AFAP1: variants seen among roughly 807,000 people sequenced by gnomAD.
AFAP1 encodes the protein actin filament associated protein 1.
In AFAP1, 75 loss-of-function variants were observed where a neutral mutation model predicts 93.9. That is an observed-to-expected ratio of 0.80 (90% CI 0.66 to 0.97). AFAP1 has a LOEUF of 0.97. AFAP1 is among the 50% of genes least tolerant of loss of function. The probability of loss-of-function intolerance (pLI) is 0.00; values close to 1 mark genes in which losing one functional copy is unlikely to be tolerated. For missense variants in AFAP1, 1,201 were observed against 1,050.8 expected, an observed-to-expected ratio of 1.14 and a Z score of -1.98; for synonymous variants, 517 against 430.7, an observed-to-expected ratio of 1.20 and a Z score of -2.48.
At position 7,865,949 on chromosome 4, in the gene AFAP1, T is replaced by C. The variant is rs567648421; in HGVS notation, c.225+2673A>G. On this transcript the variant is annotated intron_variant, in intron 3 of 17. Transcript: ENST00000420658. ...CTCGGTCTTGTTACGCAGGCTGGAG[T>C]GCAGTGGCTCGATCTCAGCTCACTG... is the stretch of plus-strand genomic sequence containing the variant. 3.2e-4 allele frequency among the ~76,000 whole-genome samples: 48 copies of C among 152,354 alleles called. No individual in the cohort carries two copies. In the South Asian group the frequency reaches 9.1e-3, roughly 29 times the overall value.
Position 7,797,889 on chromosome 4 carries a change from G to C in AFAP1, c.1266+2553C>G, listed in dbSNP as rs148650687. ...AGACATACAGACGTAGAGAGAAAGG[G>C]GCACGGGGGAGAGTACACACGCAGG... On this transcript the variant is annotated intron_variant, in intron 10 of 17. Coordinates refer to ENST00000420658, the MANE Select transcript of AFAP1 (RefSeq NM_001134647.2). 1.6e-3 allele frequency among the ~76,000 whole-genome samples: 245 copies of C among 152,274 alleles called. 1 individual carries two copies. Among genetic ancestry groups the C allele is most frequent in the African/African-American group, 5.7e-3 (238 of 41,552 alleles).
chr4:7,932,139 G>A (rs770273161), intron 1 of AFAP1, among the ~76,000 whole-genome samples: 1 of 152,050 alleles, frequency 6.6e-6, no homozygotes, highest in African/African-American at 2.4e-5. Flanking sequence ...TTACAGGTGT[G>A]AGCCACCACG....
chr4:7,822,006 G>C (rs929842026), intron 6 of AFAP1, among the ~76,000 whole-genome samples: 5 of 152,220 alleles, frequency 3.3e-5, no homozygotes, highest in Admixed American at 2.6e-4. Context: ...GCAGTGATCT[G>C]TGTGTCTGAT....
At chr4:7,895,212 G>A (rs1394039684) in intron 1 of AFAP1, among the ~76,000 whole-genome samples, 1 of 152,230 alleles carries the variant, frequency 6.6e-6, no homozygotes, top group East Asian at 1.9e-4. Flanking sequence ...GCACTTGCCA[G>A]GCATGGCCTT....
chr4:7,863,059 T>C (rs1353166841), intron 3 of AFAP1, among the ~76,000 whole-genome samples: 2 of 152,202 alleles, frequency 1.3e-5, no homozygotes, highest in Non-Finnish European at 2.9e-5. Context: ...CTTTTAGCAC[T>C]TGCTGCAAAC....
chr4:7,829,934 T>A (rs1054080373), intron 6 of AFAP1, among the ~76,000 whole-genome samples: 1 of 152,206 alleles, frequency 6.6e-6, no homozygotes, highest in Admixed American at 6.5e-5. Context: ...AATACAGAAT[T>A]GTCTGTAATA....
At chr4:7,851,460 A>C (rs976315136) in intron 4 of AFAP1, among the ~76,000 whole-genome samples, 1 of 152,200 alleles carries the variant, frequency 6.6e-6, no homozygotes, top group African/African-American at 2.4e-5. Flanking sequence ...TGATTAAAAA[A>C]CAGGTAACAA....
rs1246293806 is a variant in AFAP1, at chr4:7,843,637, A to G, written c.335-287T>C. ...GGGACCCCACGCTGACCCGACACTG[A>G]CTCCTCACCACATTCTTGCAGGACG... On this transcript the variant is annotated intron_variant, in intron 4 of 17. Coordinates refer to ENST00000420658, the MANE Select transcript of AFAP1 (RefSeq NM_001134647.2). 24 of 329,542 alleles carry G rather than the reference A, an allele frequency of 7.3e-5. 1 individual carries two copies. In the South Asian group the frequency reaches 7.3e-4, roughly 10 times the overall value. The allele number at this position is 329,542 out of a possible 1,614,324, so 20.4% of individuals were successfully genotyped here.
At chr4:7,922,236 G>A (rs112396908) in intron 1 of AFAP1, among the ~76,000 whole-genome samples, 4,930 of 152,266 alleles carry the variant, frequency 0.032, 103 homozygotes, top group South Asian at 0.075. Flanking sequence ...CAAAATATAC[G>A]ACTATAGTAC....
chr4:7,832,947 C>T lies in AFAP1; in HGVS notation c.726+5577G>A, dbSNP rs149190177. 4.5e-3 allele frequency among the ~76,000 whole-genome samples: 685 copies of T among 152,224 alleles called. 4 individuals carry two copies. Among genetic ancestry groups the T allele is most frequent in the African/African-American group, 0.016 (646 of 41,548 alleles). ...AATGGTGCTGGGATAATTGGCTAGC[C>T]TCATGTAGGAGAATGAAACTGGATC... On this transcript the variant is annotated intron_variant, in intron 6 of 17. Coordinates refer to ENST00000420658, the MANE Select transcript of AFAP1 (RefSeq NM_001134647.2).
chr4:7,807,757 C>G (rs1719653711), intron 9 of AFAP1, among the ~76,000 whole-genome samples: 1 of 152,240 alleles, frequency 6.6e-6, no homozygotes, highest in African/African-American at 2.4e-5. Flanking sequence ...TATGACGCAA[C>G]TTCCCAGATC....
At position 7,763,204 on chromosome 4, in the gene AFAP1, T is replaced by C. The variant is rs1259870122; in HGVS notation, c.*561A>G. On this transcript the variant is annotated 3_prime_UTR_variant, in exon 18 of 18. Transcript: ENST00000420658. ...AACGTTTCACAGCGCGATTTTCTCA[T>C]GCCTTTACCTCTGATGACGAGGGGG... 2.0e-5 allele frequency: 3 copies of C among 152,900 alleles called. No homozygotes were observed. The highest frequency in any genetic ancestry group is 6.5e-5 in the Admixed American group (1 of 15,298). The allele number at this position is 152,900 out of a possible 1,614,324, so 9.5% of individuals were successfully genotyped here.
At chr4:7,781,265 A>C (rs754427154) in intron 13 of AFAP1, 111 bp downstream of exon 13, 31 of 1,351,990 alleles carry the variant, frequency 2.3e-5, no homozygotes, top group Non-Finnish European at 3.0e-5. Flanking sequence ...GAAAAAAAAA[A>C]CACATTATGC....
chr4:7,889,149 G>A (rs1014834905), intron 1 of AFAP1, among the ~76,000 whole-genome samples: 1 of 152,098 alleles, frequency 6.6e-6, no homozygotes, highest in African/African-American at 2.4e-5. Context: ...AACACATTAA[G>A]ACCAAATGGA....
chr4:7,843,029 T>A (rs1259932106), intron 5 of AFAP1, 110 bp downstream of exon 5: 1 of 1,270,112 alleles, frequency 7.9e-7, no homozygotes, highest in African/African-American at 1.5e-5. Context: ...GGCTGACACC[T>A]GAGTGCTGCC....
intron 10 of AFAP1, among the ~76,000 whole-genome samples, chr4:7,796,144 G>C (rs1718398266): frequency 6.6e-6 from 1 of 152,152 alleles, no homozygotes; most frequent in African/African-American, 2.4e-5. Flanking sequence ...CCCGCCGGCA[G>C]AAGTGAGCAC....
chr4:7,881,220 G>A (rs765674034), intron 1 of AFAP1, among the ~76,000 whole-genome samples: 2 of 151,966 alleles, frequency 1.3e-5, no homozygotes, highest in Admixed American at 6.6e-5. Context: ...CCGCTCCCCT[G>A]TCTAGTCTAC....
chr4:7,843,359 AATAAAC>A lies in AFAP1; in HGVS notation c.335-15_335-10del. On this transcript the variant is annotated splice_polypyrimidine_tract_variant and intron_variant, in intron 4 of 17. Transcript: ENST00000420658. ...CGCATCGGAATCATAATCTGTAAAA[AATAAAC>A]ATACACTGGTAAAAAGGACTTCTTT... 6.2e-7 allele frequency: 1 copy of A among 1,607,058 alleles called. No homozygotes were observed. The highest frequency in any genetic ancestry group is 8.5e-7 in the Non-Finnish European group (1 of 1,176,094).
At position 7,892,466 on chromosome 4, in the gene AFAP1, C is replaced by T. The variant is rs150651399; in HGVS notation, c.-2-20386G>A. Among the ~76,000 whole-genome samples, 416 of 152,308 alleles carry T rather than the reference C, an allele frequency of 2.7e-3. 3 individuals carry two copies. The highest frequency in any genetic ancestry group is 9.1e-3 in the African/African-American group (379 of 41,574). On this transcript the variant is annotated intron_variant, in intron 1 of 17. Transcript: ENST00000420658. ...CAAGGAGACACTGGGGGAGGGGCAG[C>T]CCACAGAAACGGGGAGGTGGGAATC...
Sources: gnomAD v4.1 joint callset for allele counts (sites outside exome capture counted in the v4.1 genomes callset) on GRCh38, gnomAD v4.1.1 for gene constraint, MANE v1.5 for transcripts, NCBI Gene and HGNC (gene_info 2026-07-23, HGNC 2026-07-21) for gene names.